ITIH6: variants seen among roughly 807,000 people sequenced by gnomAD.
The protein encoded by ITIH6 is inter-alpha-trypsin inhibitor heavy chain H6.
A neutral mutation model predicts 58.2 loss-of-function variants in ITIH6; 60 were observed. That is an observed-to-expected ratio of 1.03 (90% CI 0.84 to 1.28). ITIH6 has a LOEUF of 1.28. Ranked by LOEUF, ITIH6 falls within the 50% of genes most tolerant of loss-of-function variation. The pLI is 0.00. For synonymous variants in ITIH6, 493 were observed against 417.4 expected (o/e 1.18, Z -2.21); for missense variants, 1,290 against 1,021.1 (o/e 1.26, Z -3.59).
At chrX:54,778,212 T>G (rs1929087848) in intron 5 of ITIH6, among the ~76,000 whole-genome samples, 1 of 108,547 alleles carries the variant, frequency 9.2e-6, no homozygotes, top group Non-Finnish European at 1.9e-5. Flanking sequence ...TTTTTTTTTT[T>G]TTGACAGAGT....
chrX:54,756,689 C>T (rs1928491703), intron 8 of ITIH6, among the ~76,000 whole-genome samples: 1 of 111,325 alleles, frequency 9.0e-6, no homozygotes, highest in Admixed American at 9.6e-5. Context: ...CAAAGCTAAC[C>T]CTTGGCCAAT....
intron 2 of ITIH6, among the ~76,000 whole-genome samples, chrX:54,795,833 C>T (rs1929431924): frequency 9.0e-6 from 1 of 111,161 alleles, no homozygotes; most frequent in Admixed American, 9.6e-5. Flanking sequence ...CAGTTTTCCC[C>T]AGCATACTTT....
chrX:54,759,051 T>TGTGTC, intron 7 of ITIH6, 53 bp from the exon 8 acceptor site: 2 of 891,460 alleles, frequency 2.2e-6, no homozygotes, highest in Non-Finnish European at 3.1e-6. Flanking sequence ...TCTACCCCCA[T>TGTGTC]TGCAGACACA....
At chrX:54,767,987 G>A (rs1444957135) in intron 6 of ITIH6, among the ~76,000 whole-genome samples, 1 of 100,056 alleles carries the variant, frequency 1.0e-5, no homozygotes, top group African/African-American at 4.4e-5. Context: ...TGTTGACAGT[G>A]GGGTGTTAAA....
chrX:54,757,870 G>A lies in ITIH6; in HGVS notation c.2204C>T (p.Thr735Ile), dbSNP rs781695623. Residue 735 changes from threonine (T) to isoleucine (I), a missense_variant, in exon 8 of 13, where the codon ACT (threonine) becomes ATT (isoleucine). By Grantham distance (89) the Thr-to-Ile change is moderately conservative. Transcript: ENST00000218436. ...PTILVPSNSG[T>I]LLPLKPGSLS... ...AGAGCCGGGCTTCAGAGGCAACAGAGTACCAGAATTTGAGGGCACAAGAAT... is the reference window on the plus strand; with the variant it reads ...AGAGCCGGGCTTCAGAGGCAACAGAATACCAGAATTTGAGGGCACAAGAAT... The A allele has an allele frequency of 1.7e-6, 2 of 1,211,656 alleles. No individual in the cohort carries two copies.
chrX:54,794,658 A>G (rs751876842), intron 2 of ITIH6, among the ~76,000 whole-genome samples: 1 of 111,234 alleles, frequency 9.0e-6, no homozygotes, highest in East Asian at 2.8e-4. Flanking sequence ...GAGGTTCTTG[A>G]TGGCACAGCC....
rs771961519 is a variant in ITIH6 at position 54,758,640 on chromosome X, A to G, written c.1434T>C (p.Arg478=). 3.3e-6 allele frequency: 4 copies of G among 1,209,879 alleles called. No individual in the cohort carries two copies. Among genetic ancestry groups the G allele is most frequent in the Non-Finnish European group, 4.5e-6 (4 of 895,136 alleles). The change falls in exon 8 of 13, where the codon CGT becomes CGC. Residue 478 remains arginine, a synonymous_variant. Transcript: ENST00000218436. ...CAACCAAGCCACCCAGGTAGTTCAG[A>G]CGCACATCTGCCAGCAGAGGCATGG... ...EISMPLLADV[R]LNYLGGLVGA...
At chrX:54,768,834 G>A (rs1334521110) in intron 6 of ITIH6, among the ~76,000 whole-genome samples, 10 of 105,335 alleles carry the variant, frequency 9.5e-5, no homozygotes, top group African/African-American at 2.3e-4. Flanking sequence ...TTTCAACTTT[G>A]GTGAGTCTGA....
chrX:54,785,794 G>C (rs752640942), intron 5 of ITIH6, among the ~76,000 whole-genome samples: 1 of 111,557 alleles, frequency 9.0e-6, no homozygotes, highest in Non-Finnish European at 1.9e-5. Context: ...CTGGGGCTCT[G>C]GGCAGCTGTG....
chrX:54,787,929 G>T (rs1216060071), intron 5 of ITIH6, among the ~76,000 whole-genome samples: 3 of 110,923 alleles, frequency 2.7e-5, no homozygotes, highest in Admixed American at 9.6e-5. Flanking sequence ...AGGCTACCCC[G>T]CCATCCTTGT....
At chrX:54,775,777 G>C in intron 5 of ITIH6, among the ~76,000 whole-genome samples, 1 of 111,208 alleles carries the variant, frequency 9.0e-6, no homozygotes, top group Admixed American at 9.5e-5. Flanking sequence ...CCACAGACTG[G>C]CTACTGTGCC....
At chrX:54,777,578 A>AC (rs1442628094) in intron 5 of ITIH6, among the ~76,000 whole-genome samples, 4 of 111,210 alleles carry the variant, frequency 3.6e-5, no homozygotes, top group Non-Finnish European at 7.6e-5. Context: ...GTGTCAATAC[A>AC]CCCCCTGCTT....
At chrX:54,783,988 C>T (rs1929196441) in intron 5 of ITIH6, among the ~76,000 whole-genome samples, 1 of 111,487 alleles carries the variant, frequency 9.0e-6, no homozygotes, top group South Asian at 3.8e-4. Flanking sequence ...TAGAAACAGA[C>T]ACATAGACCG....
At chrX:54,791,422 T>C in intron 3 of ITIH6, among the ~76,000 whole-genome samples, 1 of 110,367 alleles carries the variant, frequency 9.1e-6, no homozygotes, top group Non-Finnish European at 1.9e-5. Context: ...TCAATTTACA[T>C]ACAATGCCTC....
rs1426525357 is a variant in ITIH6, at chrX:54,758,983, G to T, written c.1091C>A (p.Ser364Ter). 1 of 1,167,707 alleles carries T rather than the reference G, an allele frequency of 8.6e-7. No homozygotes were observed. Among genetic ancestry groups the T allele is most frequent in the South Asian group, 2.0e-5 (1 of 50,783 alleles). Reference protein sequence around the residue: ...MEADGWTDVNSALLAAASVLN... With the variant: ...MEADGWTDVN ...CACTGAAGCAGCTGCCAGCAGAGCT[G>T]AGTTGACGTCTGTCCCTAATTGGGG... The change falls in exon 8 of 13, where the codon TCA becomes TAA. Residue 364 changes from serine to a stop codon, truncating the protein, a stop_gained. Coordinates refer to ENST00000218436, the MANE Select transcript of ITIH6 (RefSeq NM_198510.3). LOFTEE classifies it high-confidence loss of function.
Position 54,755,122 on chromosome X carries a change from A to G in ITIH6, c.3110-13T>C. The stretch of plus-strand genomic sequence containing the variant: ...CAGTTTGGACTTCCTGCCAAGCACA[A>G]AAGAAATAAGAAAACCCTTCAAATT... On this transcript the variant is annotated splice_polypyrimidine_tract_variant and intron_variant, in intron 8 of 12. Transcript: ENST00000218436. The G allele has an allele frequency of 8.4e-7, 1 of 1,184,988 alleles. No individual in the cohort carries two copies. Among genetic ancestry groups the G allele is most frequent in the Non-Finnish European group, 1.1e-6 (1 of 872,294 alleles).
rs1365071069 is a variant in ITIH6 at position 54,757,932 on chromosome X, G to T, written c.2142C>A (p.Gly714=). The change falls in exon 8 of 13, where the codon GGC becomes GGA. Residue 714 remains glycine (G), a synonymous_variant. Coordinates refer to ENST00000218436, the MANE Select transcript of ITIH6 (RefSeq NM_198510.3). ...KAKIPAQQDS[G]TLAQPTLRTK... ...TCCTGAGAGTTGGCTGGGCCAAGGT[G>T]CCAGAATCCTGTTGTGCTGGAATTT... is the stretch of plus-strand genomic sequence containing the variant. The T allele has an allele frequency of 8.3e-7, 1 of 1,209,860 alleles. No individual in the cohort carries two copies. Among genetic ancestry groups the T allele is most frequent in the Non-Finnish European group, 1.1e-6 (1 of 894,984 alleles).
chrX:54,789,406 A>G (rs1478997585), intron 4 of ITIH6, among the ~76,000 whole-genome samples: 1 of 111,690 alleles, frequency 9.0e-6, no homozygotes, highest in East Asian at 2.8e-4. Context: ...GCTCAGGGGC[A>G]CACTGAGCCC....
Position 54,758,424 on chromosome X carries a change from C to T in ITIH6, c.1650G>A (p.Gly550=). 1 of 1,209,888 alleles carries T rather than the reference C, an allele frequency of 8.3e-7. No individual in the cohort carries two copies. Among genetic ancestry groups the T allele is most frequent in the East Asian group, 3.0e-5 (1 of 33,739 alleles). The change falls in exon 8 of 13, where the codon GGG becomes GGA. Residue 550 remains glycine (G), a synonymous_variant. Coordinates refer to ENST00000218436, the MANE Select transcript of ITIH6 (RefSeq NM_198510.3). ...NNSQKAFGCP[G]EPAPNVAHFI... is the part of the protein sequence containing the mutation. ...AGTGGGCCACATTGGGGGCTGGCTC[C>T]CCTGGGCAACCAAAGGCCTTCTGGC... is the stretch of plus-strand genomic sequence containing the variant.
Sources: gnomAD v4.1 joint callset for allele counts (sites outside exome capture counted in the v4.1 genomes callset) on GRCh38, gnomAD v4.1.1 for gene constraint, MANE v1.5 for transcripts, NCBI Gene and HGNC (gene_info 2026-07-23, HGNC 2026-07-21) for gene names.